Variants in ASAP3 observed in about 807,000 individuals in gnomAD.
The protein encoded by ASAP3 is arf-GAP with SH3 domain, ANK repeat and PH domain-containing protein 3.
In ASAP3, 85 loss-of-function variants were observed where a neutral mutation model predicts 118.2. That is an observed-to-expected ratio of 0.72 (90% confidence interval 0.60 to 0.86). The LOEUF (loss-of-function observed/expected upper bound fraction) is 0.86, where lower values mean the gene tolerates loss of function less well. ASAP3 is among the 40% of genes least tolerant of loss of function. ASAP3 has a pLI of 0.00. For synonymous variants in ASAP3, 432 were observed against 477.4 expected, an observed-to-expected ratio of 0.90 and a Z score of 1.24; for missense variants, 1,026 against 1,175.0, an observed-to-expected ratio of 0.87 and a Z score of 1.85.
At position 23,462,028 on chromosome 1, in the gene ASAP3, C is replaced by CT. The variant is rs531739489; in HGVS notation, c.130-5835dup. Among the ~76,000 whole-genome samples the CT allele has an allele frequency of 3.8e-3, 548 of 143,900 alleles. 3 individuals carry two copies. Among genetic ancestry groups the CT allele is most frequent in the Middle Eastern group, 0.014 (4 of 284 alleles). The allele number at this position is 143,900 out of a possible 152,430, so 94.4% of individuals were successfully genotyped here. A position where few individuals can be genotyped will look rare whatever the true frequency, so the allele number is the denominator to read the frequency against. On this transcript the variant is annotated intron_variant, in intron 1 of 24. Coordinates refer to ENST00000336689, the MANE Select transcript of ASAP3 (RefSeq NM_017707.4). ...ATCACTCACAGACTGTTTTTCTTTT[C>CT]TTTTTTTTTTTTTGAGATGGAGTCT...
At chr1:23,442,073 C>T (rs1435281827) in intron 7 of ASAP3, 113 bp downstream of exon 7, 1 of 1,156,286 alleles carries the variant, frequency 8.6e-7, no homozygotes, top group East Asian at 2.6e-5. Flanking sequence ...TATGAAAGTT[C>T]TGCCAAAAAG....
rs1448338203 is a variant in ASAP3, at chr1:23,456,115, C to A, written c.202+7G>T. The A allele has an allele frequency of 1.2e-6, 2 of 1,614,112 alleles. No homozygotes were observed. The highest frequency in any genetic ancestry group is 2.2e-5 in the South Asian group (2 of 91,070). ...GACCAGGCGGGGCACCCAGGAGGCT[C>A]ACTTACCAAGGCCGGAGCTATGGAT... is the stretch of plus-strand genomic sequence containing the variant. On this transcript the variant is annotated splice_region_variant and intron_variant, in intron 2 of 24. Coordinates refer to ENST00000336689, the MANE Select transcript of ASAP3 (RefSeq NM_017707.4).
In ASAP3 at chr1:23,438,806, A is replaced by G. The variant is rs778486613; in HGVS notation, c.1043T>C (p.Leu348Pro). The change falls in exon 12 of 25, where the codon CTG (leucine) becomes CCG (proline). Residue 348 changes from leucine to proline, a missense_variant. Physicochemically the swap from Leu to Pro is moderately conservative, Grantham distance 98. Transcript: ENST00000336689. The surrounding 1 kb of genome is among the most constrained non-coding windows in gnomAD (Gnocchi z 4.9). ...TINRPPVKLT[L>P]LTCQVRPNPE... ...GTTTGGCCTCACTTGGCACGTCAGC[A>G]GGGTCAGCTTCACCGGGGGCCGGTT... The G allele has an allele frequency of 6.2e-7, 1 of 1,614,204 alleles. No individual in the cohort carries two copies.
chr1:23,436,032 C>A lies in ASAP3; in HGVS notation c.1572-4G>T, dbSNP rs761378327. 5 of 1,613,810 alleles carry A rather than the reference C, an allele frequency of 3.1e-6. No homozygotes were observed. The highest frequency in any genetic ancestry group is 3.3e-5 in the Admixed American group (2 of 60,012). ...AATGTAGTCCCTGCGGGTGCCCCTA[C>A]CAAAAACAACCACAGGATCTCAGAG... On this transcript the variant is annotated splice_region_variant and splice_polypyrimidine_tract_variant and intron_variant, in intron 16 of 24. Transcript: ENST00000336689. This position sits in a 1 kb window ranked among gnomAD's most constrained non-coding sequence, Gnocchi z 4.2.
At position 23,431,707 on chromosome 1, in the gene ASAP3, G is replaced by A. The variant is rs753682850; in HGVS notation, c.2535C>T (p.Pro845=). 9.8e-6 allele frequency: 15 copies of A among 1,524,332 alleles called. No individual in the cohort carries two copies. The highest frequency in any genetic ancestry group is 6.9e-5 in the East Asian group (3 of 43,336). 94.4% of individuals were successfully genotyped at this position (1,524,332 alleles called of 1,614,324 possible). ...SGTTPSEMYL[P]VRFSSESTRS... is the part of the protein sequence containing the mutation. ...GGGCCCTCACCAACCTGAATCTGAC[G>A]GGGAGGTACATCTCCGAAGGGGTGG... The change falls in exon 23 of 25, where the codon CCC becomes CCT. Residue 845 remains proline (P), a synonymous_variant. Coordinates refer to ENST00000336689, the MANE Select transcript of ASAP3 (RefSeq NM_017707.4).
intron 5 of ASAP3, among the ~76,000 whole-genome samples, chr1:23,444,963 CTTTT>C: frequency 7.3e-6 from 1 of 137,286 alleles, no homozygotes; most frequent in East Asian, 2.1e-4. Context: ...GCTCTGTAGG[CTTTT>C]TTTTTTTTTT....
At chr1:23,449,008 C>T (rs902844309) in intron 5 of ASAP3, among the ~76,000 whole-genome samples, 10 of 152,068 alleles carry the variant, frequency 6.6e-5, no homozygotes, top group African/African-American at 2.4e-4. Flanking sequence ...CTGCCTCATT[C>T]CTGCGAGCTG....
intron 1 of ASAP3, among the ~76,000 whole-genome samples, chr1:23,483,127 C>T (rs1642364480): frequency 6.6e-6 from 1 of 152,170 alleles, no homozygotes. Flanking sequence ...AACTACTGAG[C>T]TTTGTATCTG....
chr1:23,477,420 G>A (rs1305100331), intron 1 of ASAP3, among the ~76,000 whole-genome samples: 2 of 150,918 alleles, frequency 1.3e-5, no homozygotes. Context: ...TTGGTGATGA[G>A]GGGCACACGT....
chr1:23,477,794 G>A (rs1210746632), intron 1 of ASAP3, among the ~76,000 whole-genome samples: 1 of 152,168 alleles, frequency 6.6e-6, no homozygotes, highest in Non-Finnish European at 1.5e-5. Flanking sequence ...GTTCACTGCA[G>A]CCTCAATCTC....
At chr1:23,460,005 T>C (rs181072673) in intron 1 of ASAP3, among the ~76,000 whole-genome samples, 3 of 152,312 alleles carry the variant, frequency 2.0e-5, no homozygotes, top group African/African-American at 7.2e-5. Context: ...GAATATAATA[T>C]TTTAATTGTT....
chr1:23,449,899 C>T (rs929305370), intron 5 of ASAP3, among the ~76,000 whole-genome samples: 1 of 152,142 alleles, frequency 6.6e-6, no homozygotes, highest in Non-Finnish European at 1.5e-5. Context: ...GTAGACGATC[C>T]CCGAAAGTCT....
chr1:23,439,543 T>C (rs948675), intron 10 of ASAP3, among the ~76,000 whole-genome samples: 8,322 of 152,130 alleles, frequency 0.055, 717 homozygotes, highest in African/African-American at 0.18. Context: ...GGGGGAGACA[T>C]AGCTTATATC....
At chr1:23,479,965 A>G (rs1433571408) in intron 1 of ASAP3, 2 of 152,204 alleles carry the variant, frequency 1.3e-5, no homozygotes. Context: ...ACTTGAGCCC[A>G]GGAGTTCAAG....
chr1:23,450,741 C>T (rs947127135), intron 5 of ASAP3, among the ~76,000 whole-genome samples: 3 of 152,100 alleles, frequency 2.0e-5, no homozygotes. Flanking sequence ...GCATAAATTG[C>T]TTTGGCAAAA....
chr1:23,463,462 G>A (rs1641661588), intron 1 of ASAP3, among the ~76,000 whole-genome samples: 1 of 151,970 alleles, frequency 6.6e-6, no homozygotes, highest in African/African-American at 2.4e-5. Context: ...GGTATTTTGA[G>A]GAAAGGCAGA....
At chr1:23,464,132 C>CGAGGTTGCAGT in intron 1 of ASAP3, among the ~76,000 whole-genome samples, 1 of 150,654 alleles carries the variant, frequency 6.6e-6, no homozygotes, top group South Asian at 2.1e-4. Flanking sequence ...CCCAGGAGTT[C>CGAGGTTGCAGT]AAGACCAGCC....
intron 1 of ASAP3, among the ~76,000 whole-genome samples, chr1:23,466,996 T>C (rs1251789172): frequency 6.6e-6 from 1 of 151,802 alleles, no homozygotes; most frequent in African/African-American, 2.4e-5. Flanking sequence ...GCCTCCAGAG[T>C]AGCTGGGATT....
intron 21 of ASAP3, 57 bp from the exon 22 acceptor site, chr1:23,433,329 TC>T (rs753009933): frequency 2.5e-6 from 4 of 1,606,614 alleles, no homozygotes; most frequent in Middle Eastern, 1.7e-4. Context: ...TGTAGCCCTG[TC>T]CCCCCGCCTC....
Sources: allele counts gnomAD v4.1 joint callset (sites outside exome capture counted in the v4.1 genomes callset), GRCh38; gene constraint gnomAD v4.1.1; non-coding constraint Gnocchi (gnomAD v3.1); transcripts MANE v1.5; gene names NCBI Gene and HGNC (gene_info 2026-07-23, HGNC 2026-07-21).